The following ABLIM2 variants were observed in gnomAD, a reference collection of about 807,000 sequenced individuals.
The protein encoded by ABLIM2 is actin binding LIM protein family member 2.
ABLIM2 carries 53 observed loss-of-function variants against 97.7 expected under a neutral mutation model. The observed-to-expected ratio is 0.54, with a 90% CI of 0.44 to 0.68. The LOEUF is 0.68. Among genes scored for constraint, ABLIM2 ranks in the 30% least tolerant of loss-of-function variants. ABLIM2 has a pLI of 0.00. For synonymous variants in ABLIM2, 361 were observed against 345.8 expected, an observed-to-expected ratio of 1.04 and a Z score of -0.49; for missense variants, 835 against 867.2, an observed-to-expected ratio of 0.96 and a Z score of 0.47.
rs546557256 is a variant in ABLIM2, at chr4:8,075,926, G to GA, written c.675+1701dup. On this transcript the variant is annotated intron_variant, in intron 6 of 20. Transcript: ENST00000447017. This position sits in a 1 kb window ranked among gnomAD's most constrained non-coding sequence, Gnocchi z 4.4. ...GAGATCAACTATGATTACATGGAAA[G>GA]AAAAAACGAAAGAAAACTGGCCAGA... Among the ~76,000 whole-genome samples the GA allele has an allele frequency of 1.4e-4, 21 of 152,306 alleles. No individual in the cohort carries two copies. Among genetic ancestry groups the GA allele is most frequent in the Admixed American group, 1.3e-3 (20 of 15,306 alleles).
intron 2 of ABLIM2, among the ~76,000 whole-genome samples, chr4:8,105,005 C>T (rs2152738645): frequency 6.6e-6 from 1 of 152,278 alleles, no homozygotes; most frequent in South Asian, 2.1e-4. Context: ...CCACAGAAAC[C>T]CAGGAGGGAA....
chr4:8,049,238 A>C (rs943761099), intron 8 of ABLIM2, among the ~76,000 whole-genome samples: 13 of 152,244 alleles, frequency 8.5e-5, no homozygotes, highest in African/African-American at 3.1e-4. Context: ...GAGCACACAC[A>C]GTAGGTGCTT....
chr4:8,069,850 G>C lies in ABLIM2; in HGVS notation c.675+7778C>G, dbSNP rs1261911356. Reference sequence around the variant, plus strand: ...GTACGTGTCTGTGGGTGCCGTGTGTGTTTTCTGTGTGTCTGCGTTGTCGAT... The same window carrying C: ...GTACGTGTCTGTGGGTGCCGTGTGTCTTTTCTGTGTGTCTGCGTTGTCGAT... On this transcript the variant is annotated intron_variant, in intron 6 of 20. Transcript: ENST00000447017. This position sits in a 1 kb window ranked among gnomAD's most constrained non-coding sequence, Gnocchi z 4.2. 6.6e-6 allele frequency among the ~76,000 whole-genome samples: 1 copy of C among 151,964 alleles called. No individual in the cohort carries two copies. The highest frequency in any genetic ancestry group is 1.5e-5 in the Non-Finnish European group (1 of 68,000).
intron 1 of ABLIM2, among the ~76,000 whole-genome samples, chr4:8,146,865 A>G (rs1349648678): frequency 2.6e-5 from 4 of 152,116 alleles, no homozygotes; most frequent in African/African-American, 9.7e-5. Context: ...AATTTCGAAT[A>G]CAATAAATAT....
intron 3 of ABLIM2, among the ~76,000 whole-genome samples, chr4:8,091,326 T>TA (rs1161322506): frequency 7.6e-5 from 2 of 26,334 alleles, no homozygotes; most frequent in Non-Finnish European, 1.2e-4. Context: ...TAATTATATA[T>TA]ATATTATATA....
At chr4:8,080,590 C>T (rs920642470) in intron 5 of ABLIM2, 86 bp downstream of exon 5, 42 of 1,386,794 alleles carry the variant, frequency 3.0e-5, no homozygotes, top group African/African-American at 5.8e-5. Flanking sequence ...GAGAGGGTGG[C>T]GCTGGGGACA....
At chr4:8,039,705 T>C (rs184098673) in intron 9 of ABLIM2, among the ~76,000 whole-genome samples, 5 of 152,300 alleles carry the variant, frequency 3.3e-5, no homozygotes, top group Admixed American at 3.3e-4. Flanking sequence ...CTCTGCACTA[T>C]TGCCATGTTG....
intron 20 of ABLIM2, among the ~76,000 whole-genome samples, chr4:7,980,718 GAA>G (rs757171128): frequency 3.0e-5 from 4 of 132,034 alleles, no homozygotes; most frequent in African/African-American, 5.7e-5. Flanking sequence ...CTGTCTCAAA[GAA>G]AAAAAAAAAA....
chr4:8,149,453 G>A lies in ABLIM2; in HGVS notation c.10+9227C>T, dbSNP rs1172162190. Among the ~76,000 whole-genome samples the A allele has an allele frequency of 6.6e-6, 1 of 151,988 alleles. No homozygotes were observed. The highest frequency in any genetic ancestry group is 1.9e-4 in the East Asian group (1 of 5,136). ...CAGGCTGCAGAGCAGGCAGGAGCAG[G>A]CACAAATCTCCACAGGAAACCCCAG... On this transcript the variant is annotated intron_variant, in intron 1 of 20. Transcript: ENST00000447017. The surrounding 1 kb of genome is among the most constrained non-coding windows in gnomAD (Gnocchi z 6.4).
chr4:8,091,067 G>A (rs563255204), intron 3 of ABLIM2, among the ~76,000 whole-genome samples: 5 of 150,710 alleles, frequency 3.3e-5, no homozygotes, highest in Admixed American at 1.3e-4. Context: ...TTCCATGGCC[G>A]TTGTGCCATT....
In ABLIM2 at chr4:8,067,832, T is replaced by C. The variant is rs551113608; in HGVS notation, c.676-6778A>G. 13 of 152,108 alleles carry C rather than the reference T, an allele frequency of 8.5e-5. No homozygotes were observed. Among genetic ancestry groups the C allele is most frequent in the Non-Finnish European group, 1.8e-4 (12 of 68,010 alleles). The allele number at this position is 152,108 out of a possible 1,614,324, so 9.4% of individuals were successfully genotyped here. A position where few individuals can be genotyped will look rare whatever the true frequency, so the allele number is the denominator to read the frequency against. On this transcript the variant is annotated intron_variant, in intron 6 of 20. Transcript: ENST00000447017. This position sits in a 1 kb window ranked among gnomAD's most constrained non-coding sequence, Gnocchi z 5.4. The stretch of plus-strand genomic sequence containing the variant: ...CACGTGCTGGGGTTCAGTGTCCCCG[T>C]GTATAAGATGGAGAGGACTGTCCCT...
In ABLIM2 at chr4:7,970,933, A is replaced by G. The variant is rs1223952679; in HGVS notation, c.1825-3830T>C. Among the ~76,000 whole-genome samples, 1 of 151,636 alleles carries G rather than the reference A, an allele frequency of 6.6e-6. No homozygotes were observed. Among genetic ancestry groups the G allele is most frequent in the African/African-American group, 2.4e-5 (1 of 41,230 alleles). ...GGGGTCTAGGGGGCTGACAGGGACC[A>G]CCTCCCCGCAGGCTCCAGTCCTGTT... On this transcript the variant is annotated intron_variant, in intron 20 of 20. Transcript: ENST00000447017. The surrounding 1 kb of genome is among the most constrained non-coding windows in gnomAD (Gnocchi z 5.3).
chr4:8,034,474 TGGTAGGTGGGTGCAGGTGGGTGGGTGGTA>T lies in ABLIM2; in HGVS notation c.1047+1646_1047+1674del, dbSNP rs750079328. Reference sequence around the variant, plus strand: ...TGTGTGGTAGGTAGGTGCTGGTGGGTGGTAGGTGGGTGCAGGTGGGTGGGTGGTAGGTAGGTGGGTGCAGGTGGGTGGGT... The same window carrying T: ...TGTGTGGTAGGTAGGTGCTGGTGGGTGGTAGGTGGGTGCAGGTGGGTGGGT... On this transcript the variant is annotated intron_variant, in intron 10 of 20. Coordinates refer to ENST00000447017, the MANE Select transcript of ABLIM2 (RefSeq NM_001130083.2). Among the ~76,000 whole-genome samples, 368 of 69,260 alleles carry T rather than the reference TGGTAGGTGGGTGCAGGTGGGTGGGTGGTA, an allele frequency of 5.3e-3. 63 individuals carry two copies. The highest frequency in any genetic ancestry group is 0.014 in the Middle Eastern group (2 of 138). 45.4% of individuals were successfully genotyped at this position (69,260 alleles called of 152,430 possible). A position where few individuals can be genotyped will look rare whatever the true frequency, so the allele number is the denominator to read the frequency against.
In ABLIM2 at chr4:8,095,056, CTTTCTCTT is replaced by C. The variant is rs553124573; in HGVS notation, c.338+2035_338+2042del. ...TCTTTCCTTCCTTCCTTCTTTCTTT[CTTTCTCTT>C]TCTTTCTTTCTCTCTCTCTCTCTTT... On this transcript the variant is annotated intron_variant, in intron 3 of 20. Coordinates refer to ENST00000447017, the MANE Select transcript of ABLIM2 (RefSeq NM_001130083.2). The surrounding 1 kb of genome is among the most constrained non-coding windows in gnomAD (Gnocchi z 4.7). Among the ~76,000 whole-genome samples the C allele has an allele frequency of 1.4e-4, 19 of 138,078 alleles. No individual in the cohort carries two copies. In the South Asian group the frequency reaches 3.0e-3, roughly 22 times the overall value. The allele number at this position is 138,078 out of a possible 152,430, so 90.6% of individuals were successfully genotyped here.
rs543227303 is a variant in ABLIM2, at chr4:8,046,607, C to T, written c.823-1366G>A. Among the ~76,000 whole-genome samples the T allele has an allele frequency of 7.2e-5, 11 of 152,268 alleles. No individual in the cohort carries two copies. Among genetic ancestry groups the T allele is most frequent in the African/African-American group, 2.6e-4 (11 of 41,560 alleles). ...TTCTGAGTAGACCCTTTTCTTGCCA[C>T]CCCCAACAATTCTGTCCTGCCCATT... On this transcript the variant is annotated intron_variant, in intron 8 of 20. Transcript: ENST00000447017. This position sits in a 1 kb window ranked among gnomAD's most constrained non-coding sequence, Gnocchi z 4.4.
rs1820667511 is a variant in ABLIM2, at chr4:8,082,630, C to A, written c.455-1828G>T. 6.6e-6 allele frequency among the ~76,000 whole-genome samples: 1 copy of A among 152,224 alleles called. No individual in the cohort carries two copies. The highest frequency in any genetic ancestry group is 2.1e-4 in the South Asian group (1 of 4,834). ...CCACACTGTGCACATTCACATGCTA[C>A]TTTGGAAAACAGCCAGAGAGCAGAT... On this transcript the variant is annotated intron_variant, in intron 4 of 20. Coordinates refer to ENST00000447017, the MANE Select transcript of ABLIM2 (RefSeq NM_001130083.2). This position sits in a 1 kb window ranked among gnomAD's most constrained non-coding sequence, Gnocchi z 5.6.
intron 8 of ABLIM2, 115 bp from the exon 9 acceptor site, chr4:8,045,356 A>C: frequency 9.8e-7 from 1 of 1,015,626 alleles, no homozygotes; most frequent in Non-Finnish European, 1.6e-6. Context: ...GTGTTTCTTT[A>C]AAGTTGGGGC....
chr4:8,108,396 C>T (rs1838530232), intron 1 of ABLIM2, among the ~76,000 whole-genome samples: 1 of 152,240 alleles, frequency 6.6e-6, no homozygotes, highest in South Asian at 2.1e-4. Flanking sequence ...AATGGCCGGG[C>T]CCAGAGAAAG....
rs146259565 is a variant in ABLIM2, at chr4:8,061,052, G to A, written c.678C>T (p.Ala226=). 311 of 1,585,402 alleles carry A rather than the reference G, an allele frequency of 2.0e-4. No homozygotes were observed. In the African/African-American group the frequency reaches 2.4e-3, roughly 12 times the overall value. Residue 226 remains alanine, a splice_region_variant and synonymous_variant, in exon 7 of 21, where the codon GCC becomes GCT. Transcript: ENST00000447017. The surrounding 1 kb of genome is among the most constrained non-coding windows in gnomAD (Gnocchi z 4.5). The stretch of plus-strand genomic sequence containing the variant: ...AGGAAGGGTGGTAGTGCTTCTCTCC[G>A]GCCTGTAAGAAAAGCACAAAGCAGA... ...EKYITGRVLE[A]GEKHYHPSCA... is the part of the protein sequence containing the mutation.
Sources: allele counts gnomAD v4.1 joint callset (sites outside exome capture counted in the v4.1 genomes callset), GRCh38; gene constraint gnomAD v4.1.1; non-coding constraint Gnocchi (gnomAD v3.1); transcripts MANE v1.5; gene names NCBI Gene and HGNC (gene_info 2026-07-23, HGNC 2026-07-21).